Variants in ANKRD36C observed in about 807,000 individuals in gnomAD.
ANKRD36C encodes the protein ankyrin repeat domain-containing protein 36C.
Under a neutral mutation model 276.4 loss-of-function variants are expected in ANKRD36C, and 61 were observed. The observed-to-expected ratio is 0.22, with a 90% confidence interval of 0.18 to 0.27. ANKRD36C has a LOEUF of 0.27. Ranked by LOEUF, ANKRD36C falls within the 10% of genes least tolerant of loss-of-function variation. ANKRD36C has a pLI of 1.00. For synonymous variants in ANKRD36C, 483 were observed against 680.1 expected (o/e 0.71, Z 4.51); for missense variants, 1,447 against 2,032.3 (o/e 0.71, Z 5.54).
intron 34 of ANKRD36C, among the ~76,000 whole-genome samples, chr2:95,921,140 T>C (rs554721693): frequency 6.6e-6 from 1 of 150,802 alleles, no homozygotes; most frequent in East Asian, 2.0e-4. Flanking sequence ...ACAATCCATC[T>C]TCCTTGGGAA....
At chr2:95,923,515 T>C (rs1189068095) in exon 32 of ANKRD36C, 6 of 1,611,064 alleles carry the variant, frequency 3.7e-6, no homozygotes, top group South Asian at 1.1e-5. Context: ...TTGTAGTCCA[T>C]CCTTTATTTC....
chr2:95,858,195 G>A (rs1174048006), intron 61 of ANKRD36C, among the ~76,000 whole-genome samples: 1 of 151,904 alleles, frequency 6.6e-6, no homozygotes, highest in Non-Finnish European at 1.5e-5. Context: ...ACCTCCTGAG[G>A]GCTGTGTCGG....
At chr2:95,916,122 T>C (rs1677088064) in intron 37 of ANKRD36C, 21 bp downstream of exon 39, 3 of 1,605,540 alleles carry the variant, frequency 1.9e-6, no homozygotes, top group East Asian at 2.2e-5. Context: ...TAGCTCACAA[T>C]ATAAATGAGA....
intron 59 of ANKRD36C, among the ~76,000 whole-genome samples, chr2:95,869,887 C>T (rs1031174582): frequency 1.7e-4 from 26 of 152,246 alleles, no homozygotes; most frequent in African/African-American, 3.9e-4. Context: ...GAGGGTCCTA[C>T]GCCCATGGAG....
chr2:95,895,703 T>G, intron 44 of ANKRD36C, 113 bp from the exon 61 acceptor site: 1 of 1,516,086 alleles, frequency 6.6e-7, no homozygotes, highest in East Asian at 2.4e-5. Context: ...TAGTGGAGGC[T>G]TTCATGGCTT....
intron 24 of ANKRD36C, among the ~76,000 whole-genome samples, chr2:95,930,544 C>T (rs1677536786): frequency 6.6e-6 from 1 of 151,478 alleles, no homozygotes; most frequent in African/African-American, 2.4e-5. Context: ...AAAACATACA[C>T]ATCAATGAAA....
intron 2 of ANKRD36C, 56 bp from the exon 3 acceptor site, chr2:95,986,980 C>G: frequency 6.2e-7 from 1 of 1,611,114 alleles, no homozygotes; most frequent in Non-Finnish European, 8.5e-7. Context: ...ATAAACACTC[C>G]GTAGGATTTC....
chr2:95,896,756 A>C (rs1676562597), intron 44 of ANKRD36C, among the ~76,000 whole-genome samples: 2 of 148,142 alleles, frequency 1.4e-5, no homozygotes. Flanking sequence ...TTTTCTCAGC[A>C]GAAACCCCAA....
At chr2:95,878,575 C>A (rs963442375) in intron 58 of ANKRD36C, among the ~76,000 whole-genome samples, 1 of 152,156 alleles carries the variant, frequency 6.6e-6, no homozygotes, top group Non-Finnish European at 1.5e-5. Context: ...AGCAGTAGTA[C>A]CTTACATGTA....
intron 42 of ANKRD36C, among the ~76,000 whole-genome samples, chr2:95,910,943 C>G (rs1676901502): frequency 6.6e-6 from 1 of 151,434 alleles, no homozygotes; most frequent in African/African-American, 2.4e-5. Context: ...ACATGTCTTT[C>G]GTGCAACAAA....
chr2:95,976,221 C>T (rs1456662000), intron 6 of ANKRD36C, among the ~76,000 whole-genome samples: 1 of 152,148 alleles, frequency 6.6e-6, no homozygotes, highest in Non-Finnish European at 1.5e-5. Flanking sequence ...GTCAGTGTGG[C>T]GATTCCTCAG....
chr2:95,887,677 T>G (rs1676232777), intron 50 of ANKRD36C, among the ~76,000 whole-genome samples: 1 of 151,738 alleles, frequency 6.6e-6, no homozygotes, highest in Admixed American at 6.6e-5. Flanking sequence ...GAGCCCCTTA[T>G]GTCTTGAACT....
intron 13 of ANKRD36C, among the ~76,000 whole-genome samples, chr2:95,955,384 C>T (rs1011753398): frequency 2.6e-4 from 39 of 152,134 alleles, no homozygotes; most frequent in African/African-American, 8.9e-4. Flanking sequence ...TTCAGAACTC[C>T]TTGAATGCCA....
chr2:95,956,863 T>C (rs1164910236), intron 12 of ANKRD36C, 47 bp from the exon 13 acceptor site: 1 of 1,478,642 alleles, frequency 6.8e-7, no homozygotes, highest in Admixed American at 2.1e-5. Flanking sequence ...AATAGGAACC[T>C]ATAAAATATT....
chr2:95,934,933 A>T (rs992459724), intron 24 of ANKRD36C, among the ~76,000 whole-genome samples: 4 of 152,418 alleles, frequency 2.6e-5, no homozygotes, highest in Admixed American at 6.5e-5. Flanking sequence ...AATCAGAGGT[A>T]TCACACACAC....
At chr2:95,956,070 A>G (rs1384302191) in intron 13 of ANKRD36C, among the ~76,000 whole-genome samples, 1 of 152,192 alleles carries the variant, frequency 6.6e-6, no homozygotes, top group African/African-American at 2.4e-5. Context: ...TAGGCAGGGT[A>G]CTCACTTAAA....
At chr2:95,971,528 T>A (rs1558661234) in intron 6 of ANKRD36C, among the ~76,000 whole-genome samples, 1 of 152,062 alleles carries the variant, frequency 6.6e-6, no homozygotes, top group African/African-American at 2.4e-5. Flanking sequence ...TTTCACTGAA[T>A]CTTCTATTAC....
At chr2:95,859,283 C>T (rs1465930815) in intron 61 of ANKRD36C, among the ~76,000 whole-genome samples, 3 of 152,044 alleles carry the variant, frequency 2.0e-5, no homozygotes, top group Non-Finnish European at 2.9e-5. Context: ...CTGCCCACCT[C>T]GGCCTACCAA....
chr2:95,888,739 C>A (rs199913234), intron 48 of ANKRD36C, among the ~76,000 whole-genome samples: 4 of 151,510 alleles, frequency 2.6e-5, no homozygotes, highest in African/African-American at 9.7e-5. Flanking sequence ...TGTATCCACT[C>A]GTTTAGCCTT....
Sources: allele counts gnomAD v4.1 joint callset (sites outside exome capture counted in the v4.1 genomes callset), GRCh38; gene constraint gnomAD v4.1.1; transcripts MANE v1.5; gene names NCBI Gene and HGNC (gene_info 2026-07-23, HGNC 2026-07-21).